CUX1: variants seen among roughly 807,000 people sequenced by gnomAD.
CUX1 encodes the protein cut like homeobox 1.
In CUX1, 31 loss-of-function variants were observed where a neutral mutation model predicts 158.8. That is an observed-to-expected ratio of 0.20 (90% confidence interval 0.15 to 0.26). CUX1 has a LOEUF of 0.26. Ranked by LOEUF, CUX1 falls within the 10% of genes least tolerant of loss-of-function variation. CUX1 has a pLI of 1.00. For synonymous variants in CUX1, 879 were observed against 862.1 expected (o/e 1.02, Z -0.34); for missense variants, 1,589 against 2,014.6 (o/e 0.79, Z 4.04).
chr7:102,230,042 T>C (rs540948463), intron 21 of CUX1, among the ~76,000 whole-genome samples: 51 of 151,966 alleles, frequency 3.4e-4, no homozygotes, highest in Non-Finnish European at 6.5e-4. Context: ...TTCCCAAGGG[T>C]GAAAGTCAGT....
chr7:102,244,053 A>G (rs1800539750), intron 23 of CUX1, among the ~76,000 whole-genome samples: 2 of 151,976 alleles, frequency 1.3e-5, no homozygotes, highest in African/African-American at 4.8e-5. Flanking sequence ...AAATAAAAAA[A>G]GACCACTCAC....
chr7:101,917,713 C>T (rs2129088804), intron 2 of CUX1, among the ~76,000 whole-genome samples: 1 of 152,320 alleles, frequency 6.6e-6, no homozygotes, highest in East Asian at 1.9e-4. Context: ...GTTTCCCCAG[C>T]CCAAGCCCCG....
intron 6 of CUX1, among the ~76,000 whole-genome samples, chr7:102,110,721 A>G (rs1426056719): frequency 6.6e-6 from 1 of 152,212 alleles, no homozygotes; most frequent in Non-Finnish European, 1.5e-5. Flanking sequence ...GTTACATATC[A>G]TATGTTACAT....
At chr7:102,277,115 C>T (rs1273258738) in intron 17 of CUX1, among the ~76,000 whole-genome samples, 6 of 151,284 alleles carry the variant, frequency 4.0e-5, no homozygotes, top group African/African-American at 7.3e-5. Flanking sequence ...GCCTGGGCAA[C>T]GCAGTGAGAC....
At chr7:101,964,964 AGT>A (rs565154931) in intron 2 of CUX1, among the ~76,000 whole-genome samples, 136 of 152,286 alleles carry the variant, frequency 8.9e-4, no homozygotes, top group African/African-American at 3.2e-3. Flanking sequence ...TTCCAACACC[AGT>A]GTGTGTGAGC....
chr7:102,274,504 T>C (rs1214160500), intron 16 of CUX1, among the ~76,000 whole-genome samples: 4 of 152,206 alleles, frequency 2.6e-5, no homozygotes, highest in African/African-American at 9.6e-5. Context: ...TAGTCCCGGC[T>C]ACTTTGGAGG....
chr7:102,251,058 A>C lies in CUX1; in HGVS notation c.*2016A>C, dbSNP rs1219902464. 28 of 985,066 alleles carry C rather than the reference A, an allele frequency of 2.8e-5. No homozygotes were observed. The highest frequency in any genetic ancestry group is 3.4e-5 in the Non-Finnish European group (28 of 829,726). The allele number at this position is 985,066 out of a possible 1,614,324, so 61.0% of individuals were successfully genotyped here. On this transcript the variant is annotated 3_prime_UTR_variant, in exon 24 of 24. Transcript: ENST00000292535. ...AAAGGGGCAAATATTCTTTAGAGGG[A>C]TAGACTGCCGGCAGTATTGGGTATA...
At chr7:102,036,357 T>C (rs1016601950) in intron 3 of CUX1, among the ~76,000 whole-genome samples, 1 of 152,108 alleles carries the variant, frequency 6.6e-6, no homozygotes, top group African/African-American at 2.4e-5. Context: ...ACTGAACCAC[T>C]CCAAGTTAGA....
intron 8 of CUX1, among the ~76,000 whole-genome samples, chr7:102,143,897 C>G (rs1834738726): frequency 2.6e-5 from 4 of 152,192 alleles, no homozygotes; most frequent in Admixed American, 6.5e-5. Flanking sequence ...ATCCTCCTGT[C>G]TCAGCCTCCC....
At chr7:102,281,598 G>T (rs1381352500) in intron 20 of CUX1, among the ~76,000 whole-genome samples, 7 of 152,140 alleles carry the variant, frequency 4.6e-5, no homozygotes, top group African/African-American at 1.7e-4. Context: ...AGGAGGTGGA[G>T]GTTGCAGTGA....
At chr7:102,216,514 G>GCA (rs538486124) in intron 20 of CUX1, among the ~76,000 whole-genome samples, 27,062 of 100,968 alleles carry the variant, frequency 0.27, 4,504 homozygotes, top group African/African-American at 0.37. Flanking sequence ...GTGTGTGCGC[G>GCA]CACACACACA....
intron 20 of CUX1, among the ~76,000 whole-genome samples, chr7:102,218,512 T>C (rs1406289488): frequency 6.6e-6 from 1 of 150,724 alleles, no homozygotes; most frequent in East Asian, 2.0e-4. Context: ...AGTGAGACCC[T>C]ATCTCGACAA....
chr7:101,945,877 G>C (rs1053256566), intron 2 of CUX1, among the ~76,000 whole-genome samples: 165 of 152,322 alleles, frequency 1.1e-3, no homozygotes, highest in African/African-American at 3.8e-3. Flanking sequence ...AAGAGTTCTA[G>C]CTGTGTCAGC....
chr7:102,075,068 G>T (rs181851376), intron 4 of CUX1, among the ~76,000 whole-genome samples: 1 of 152,018 alleles, frequency 6.6e-6, no homozygotes, highest in East Asian at 1.9e-4. Flanking sequence ...CATGTTGGCC[G>T]GGCTGGTCTC....
intron 2 of CUX1, chr7:101,959,634 T>G (rs1585097975): frequency 6.6e-6 from 1 of 152,202 alleles, no homozygotes; most frequent in East Asian, 1.9e-4. Flanking sequence ...TTGAAACTGA[T>G]TCTATCGAGG....
chr7:101,903,090 A>G (rs1453879046), intron 1 of CUX1, among the ~76,000 whole-genome samples: 1 of 152,164 alleles, frequency 6.6e-6, no homozygotes. Flanking sequence ...CCTTATCTGT[A>G]AGACCAGATC....
Position 102,205,132 on chromosome 7 carries a change from C to T in CUX1, c.3092C>T (p.Ser1031Leu), listed in dbSNP as rs1554520745. The change falls in exon 20 of 24, where the codon TCG (serine) becomes TTG (leucine). Residue 1031 changes from serine to leucine, a missense_variant. Physicochemically the swap from Ser to Leu is moderately radical, Grantham distance 145. This residue lies in a region of CUX1 where 259 missense variants were observed against 373.8 expected (regional missense o/e 0.69). Coordinates refer to ENST00000292535, the MANE Select transcript of CUX1 (RefSeq NM_181552.4). ...ACTTTAGTCCTCCACTCCGTGACAT[C>T]GCTCCAGGACCCGCTGCAGCAGGGC... ...QQGPVLHSVTSLQDPLQQGCV... is the reference protein window; with the variant it reads ...QQGPVLHSVTLLQDPLQQGCV... 3.1e-6 allele frequency: 5 copies of T among 1,611,272 alleles called. No homozygotes were observed. Among genetic ancestry groups the T allele is most frequent in the East Asian group, 2.2e-5 (1 of 44,856 alleles).
Position 102,101,658 on chromosome 7 carries a change from C to CT in CUX1, c.407-2678_407-2677insT, listed in dbSNP as rs552763245. ...GGCATGGTGGCTCATGCCTGTAATC[C>CT]CAGCACTTTAGGAGGCCGAGGTGAG... On this transcript the variant is annotated intron_variant, in intron 5 of 23. Coordinates refer to ENST00000292535, the MANE Select transcript of CUX1 (RefSeq NM_181552.4). 4.6e-5 allele frequency among the ~76,000 whole-genome samples: 7 copies of CT among 152,236 alleles called. No homozygotes were observed. In the South Asian group the frequency reaches 1.5e-3, roughly 32 times the overall value.
chr7:102,103,005 G>A (rs1021811898), intron 5 of CUX1, among the ~76,000 whole-genome samples: 16 of 152,274 alleles, frequency 1.1e-4, no homozygotes, highest in Non-Finnish European at 1.6e-4. Context: ...CATCAAATCC[G>A]CTTTGATATT....
Sources: gnomAD v4.1 joint callset for allele counts (sites outside exome capture counted in the v4.1 genomes callset) on GRCh38, gnomAD v4.1.1 for gene constraint, gnomAD v4.1.1 regional missense constraint, MANE v1.5 for transcripts, NCBI Gene and HGNC (gene_info 2026-07-23, HGNC 2026-07-21) for gene names.